LNPEP: variants seen among roughly 807,000 people sequenced by gnomAD.
LNPEP encodes the protein leucyl-cystinyl aminopeptidase.
Under a neutral mutation model 120.6 loss-of-function variants are expected in LNPEP, and 64 were observed. That is an observed-to-expected ratio of 0.53 (90% CI 0.43 to 0.65). The LOEUF (loss-of-function observed/expected upper bound fraction) is 0.65, where lower values mean the gene tolerates loss of function less well. Ranked by LOEUF, LNPEP falls within the 30% of genes least tolerant of loss-of-function variation. The pLI, the probability that LNPEP is intolerant of heterozygous loss-of-function variation, is 0.00. For synonymous variants in LNPEP, 435 were observed against 425.4 expected (o/e 1.02, Z -0.28); for missense variants, 1,057 against 1,200.0 (o/e 0.88, Z 1.76).
intron 1 of LNPEP, among the ~76,000 whole-genome samples, chr5:96,972,305 T>C (rs1299250397): frequency 6.6e-6 from 1 of 152,118 alleles, no homozygotes; most frequent in Non-Finnish European, 1.5e-5. Context: ...GAGTAGGTCT[T>C]ATTCTAGGGT....
chr5:97,015,601 A>G (rs950900455), intron 13 of LNPEP, among the ~76,000 whole-genome samples: 3 of 152,182 alleles, frequency 2.0e-5, no homozygotes, highest in Non-Finnish European at 2.9e-5. Context: ...ACCTTTCTTA[A>G]TATCAACTGC....
chr5:97,003,424 C>G lies in LNPEP; in HGVS notation c.1663C>G (p.Leu555Val), dbSNP rs375155698. ...CTTTTTTTTTTAATAGGGATCTTCT[C>G]TCTTGTTGATGTTGAAAACTTACCT... is the stretch of plus-strand genomic sequence containing the variant. ...DSLSYFKGSS[L>V]LLMLKTYLSE... is the part of the protein sequence containing the mutation. The change falls in exon 9 of 18, where the codon CTC (leucine) becomes GTC (valine). Residue 555 changes from leucine to valine, a missense_variant. By Grantham distance (32) the Leu-to-Val change is conservative (BLOSUM62 1). Transcript: ENST00000231368. 33 of 1,540,736 alleles carry G rather than the reference C, an allele frequency of 2.1e-5. No homozygotes were observed. Among genetic ancestry groups the G allele is most frequent in the Non-Finnish European group, 2.8e-5 (32 of 1,132,298 alleles).
chr5:96,976,432 A>G (rs1474385126), intron 1 of LNPEP, among the ~76,000 whole-genome samples: 4 of 152,304 alleles, frequency 2.6e-5, no homozygotes, highest in African/African-American at 9.6e-5. Flanking sequence ...GAAATTAATG[A>G]CATGCAGACA....
Position 97,006,066 on chromosome 5 carries a change from T to TATA in LNPEP, c.1786-7_1786-6insATA. 2 of 1,054,870 alleles carry TATA rather than the reference T, an allele frequency of 1.9e-6. No homozygotes were observed. The highest frequency in any genetic ancestry group is 1.8e-5 in the African/African-American group (1 of 54,568). The allele number at this position is 1,054,870 out of a possible 1,614,324, so 65.3% of individuals were successfully genotyped here. A position where few individuals can be genotyped will look rare whatever the true frequency, so the allele number is the denominator to read the frequency against. On this transcript the variant is annotated splice_polypyrimidine_tract_variant and splice_region_variant and intron_variant, in intron 9 of 17. Coordinates refer to ENST00000231368, the MANE Select transcript of LNPEP (RefSeq NM_005575.3). ...AAGTTTTATATATATATATATATATTTTGTAGGTCACAAACCAAACACTAG... is the reference window on the plus strand; with the variant it reads ...AAGTTTTATATATATATATATATATTATATTGTAGGTCACAAACCAAACACTAG...
At chr5:97,014,813 G>A (rs948800334) in intron 12 of LNPEP, 126 bp from the exon 13 acceptor site, 2 of 485,412 alleles carry the variant, frequency 4.1e-6, no homozygotes, top group Non-Finnish European at 7.0e-6. Context: ...TTTACAAAAT[G>A]CCACTGTAAG....
chr5:97,027,096 T>G (rs27298), intron 16 of LNPEP, among the ~76,000 whole-genome samples: 90,417 of 151,982 alleles, frequency 0.59, 26,987 homozygotes, highest in Middle Eastern at 0.71. Flanking sequence ...GCTCACACCT[T>G]TAATCCCAGC....
At chr5:97,026,902 T>C (rs1791353317) in intron 16 of LNPEP, 145 bp downstream of exon 16, 7 of 643,476 alleles carry the variant, frequency 1.1e-5, no homozygotes, top group Non-Finnish European at 1.9e-5. Flanking sequence ...CATCCGGAAA[T>C]TTTCACATTT....
chr5:96,941,545 C>T (rs1257348476), intron 1 of LNPEP, among the ~76,000 whole-genome samples: 2 of 151,946 alleles, frequency 1.3e-5, no homozygotes, highest in African/African-American at 2.4e-5. Context: ...TGCAAGAAGC[C>T]AGGATTGAGA....
Position 97,031,850 on chromosome 5 carries a change from A to ACT in LNPEP, c.*3319_*3320dup, listed in dbSNP as rs1213237549. On this transcript the variant is annotated 3_prime_UTR_variant, in exon 18 of 18. Coordinates refer to ENST00000231368, the MANE Select transcript of LNPEP (RefSeq NM_005575.3). ...CAGTGAGCCAAGGTTGTGCCACTGC[A>ACT]CTCCAGCCTGGGTGACAAAGCGAGA... The ACT allele has an allele frequency of 2.6e-5, 4 of 152,202 alleles. No homozygotes were observed. Among genetic ancestry groups the ACT allele is most frequent in the Admixed American group, 6.5e-5 (1 of 15,268 alleles). 9.4% of individuals were successfully genotyped at this position (152,202 alleles called of 1,614,324 possible).
At chr5:96,937,777 T>C (rs1309233676) in intron 1 of LNPEP, 1 of 152,246 alleles carries the variant, frequency 6.6e-6, no homozygotes, top group Non-Finnish European at 1.5e-5. Flanking sequence ...AAAATTGGTG[T>C]CTTTTCTCTT....
chr5:97,022,214 A>T, intron 13 of LNPEP, 86 bp from the exon 14 acceptor site: 1 of 825,690 alleles, frequency 1.2e-6, no homozygotes. Flanking sequence ...CAGGCACGAG[A>T]CACTGCACCT....
At position 97,006,236 on chromosome 5, in the gene LNPEP, A is replaced by ACATG. The variant is rs1012122750; in HGVS notation, c.1946+5_1946+8dup. 1.3e-6 allele frequency: 2 copies of ACATG among 1,594,290 alleles called. No homozygotes were observed. The highest frequency in any genetic ancestry group is 2.7e-5 in the African/African-American group (2 of 73,658). On this transcript the variant is annotated splice_donor_region_variant and intron_variant, in intron 10 of 17. Transcript: ENST00000231368. The stretch of plus-strand genomic sequence containing the variant: ...GAAATTCAGCCTTCAGATACAAGGT[A>ACATG]CATGCCCTCTTTCTTTTCATGCCAT...
rs566796691 is a variant in LNPEP, at chr5:96,949,312, CCT to C, written c.19+13142_19+13143del. 1.8e-4 allele frequency among the ~76,000 whole-genome samples: 27 copies of C among 152,376 alleles called. 1 individual carries two copies. In the South Asian group the frequency reaches 5.2e-3, roughly 29 times the overall value. ...GCAAGTGAGCGTTACCGCCTGGGCG[CCT>C]CTCCTGTCAGATCAGGGTGGTATTA... On this transcript the variant is annotated intron_variant, in intron 1 of 17. Coordinates refer to ENST00000231368, the MANE Select transcript of LNPEP (RefSeq NM_005575.3).
In LNPEP at chr5:96,995,116, T is replaced by C. The variant is rs149362438; in HGVS notation, c.1407+1145T>C. ...AGTGAAACTCCATCTCAAAAAAAAATAGGTCATATAGATAAGATGTCTTTT... is the reference window on the plus strand; with the variant it reads ...AGTGAAACTCCATCTCAAAAAAAAACAGGTCATATAGATAAGATGTCTTTT... On this transcript the variant is annotated intron_variant, in intron 6 of 17. Transcript: ENST00000231368. Among the ~76,000 whole-genome samples the C allele has an allele frequency of 1.7e-4, 26 of 152,086 alleles. No individual in the cohort carries two copies. In the East Asian group the frequency reaches 2.9e-3, roughly 17 times the overall value.
At chr5:97,007,882 C>A (rs1257432357) in intron 11 of LNPEP, among the ~76,000 whole-genome samples, 1 of 152,098 alleles carries the variant, frequency 6.6e-6, no homozygotes, top group East Asian at 1.9e-4. Context: ...ATAACCAAAT[C>A]GCCCTTTTTA....
intron 1 of LNPEP, among the ~76,000 whole-genome samples, chr5:96,954,156 C>T (rs771371613): frequency 6.6e-6 from 1 of 152,106 alleles, no homozygotes; most frequent in Non-Finnish European, 1.5e-5. Flanking sequence ...TCAATAACAA[C>T]CCTAAAACTA....
intron 1 of LNPEP, among the ~76,000 whole-genome samples, chr5:96,949,932 CT>C (rs1416618107): frequency 6.6e-6 from 1 of 152,206 alleles, no homozygotes; most frequent in Non-Finnish European, 1.5e-5. Context: ...CCCTCCCTCC[CT>C]CCTTTCCTTT....
At chr5:96,939,373 C>G (rs1788999357) in intron 1 of LNPEP, among the ~76,000 whole-genome samples, 1 of 151,902 alleles carries the variant, frequency 6.6e-6, no homozygotes. Flanking sequence ...GCCACCATGC[C>G]CAAATAATTT....
rs138595649 is a variant in LNPEP, at chr5:96,964,375, C to A, written c.20-14763C>A. On this transcript the variant is annotated intron_variant, in intron 1 of 17. Transcript: ENST00000231368. The stretch of plus-strand genomic sequence containing the variant: ...AAATAAAATATAGATAATATAAATA[C>A]CCAACATACCGACAACTCCACCTCT... Among the ~76,000 whole-genome samples, 1,263 of 151,594 alleles carry A rather than the reference C, an allele frequency of 8.3e-3. 12 individuals carry two copies. The highest frequency in any genetic ancestry group is 0.029 in the African/African-American group (1,199 of 41,416).
Sources: allele counts gnomAD v4.1 joint callset (sites outside exome capture counted in the v4.1 genomes callset), GRCh38; gene constraint gnomAD v4.1.1; transcripts MANE v1.5; gene names NCBI Gene and HGNC (gene_info 2026-07-23, HGNC 2026-07-21).